Variants in RIPK4 observed in about 807,000 individuals in gnomAD.
The protein encoded by RIPK4 is receptor-interacting serine/threonine-protein kinase 4.
In RIPK4, 17 loss-of-function variants were observed where a neutral mutation model predicts 42.9. That is an observed-to-expected ratio of 0.40 (90% CI 0.27 to 0.59). The LOEUF (loss-of-function observed/expected upper bound fraction) is 0.59, where lower values mean the gene tolerates loss of function less well. Ranked by LOEUF, RIPK4 falls within the 20% of genes least tolerant of loss-of-function variation. The pLI, the probability that RIPK4 is intolerant of heterozygous loss-of-function variation, is 0.47. For synonymous variants in RIPK4, 498 were observed against 499.1 expected (o/e 1.00, Z 0.03); for missense variants, 897 against 1,104.4 (o/e 0.81, Z 2.66).
At position 41,751,687 on chromosome 21, in the gene RIPK4, G is replaced by A. The variant is rs2061188889; in HGVS notation, c.475-442C>T. 6.6e-6 allele frequency among the ~76,000 whole-genome samples: 1 copy of A among 152,242 alleles called. No homozygotes were observed. The highest frequency in any genetic ancestry group is 1.5e-5 in the Non-Finnish European group (1 of 68,036). On this transcript the variant is annotated intron_variant, in intron 2 of 7. Transcript: ENST00000332512. This position sits in a 1 kb window ranked among gnomAD's most constrained non-coding sequence, Gnocchi z 4.5. ...CTAGAGAAGTCGGGGAGCAGGTTAT[G>A]CAACCTGCCAGCTGGGGAGGCTGGC...
rs142879262 is a variant in RIPK4 at position 41,740,870 on chromosome 21, C to T, written c.2323G>A (p.Ala775Thr). The change falls in exon 8 of 8, where the codon GCC becomes ACC. Residue 775 changes from alanine (A) to threonine (T), a missense_variant. Ala to Thr is a moderately conservative substitution (Grantham distance 58). Transcript: ENST00000332512. Reference sequence around the variant, plus strand: ...TTGCTTCGCCGCAGGAGCGTGGCGGCGGGGCCATGGCCGCCCTGGAACTTG... The same window carrying T: ...TTGCTTCGCCGCAGGAGCGTGGCGGTGGGGCCATGGCCGCCCTGGAACTTG... ...SLKFQGGHGP[A>T]ATLLRRSKT 3.3e-4 allele frequency: 538 copies of T among 1,609,832 alleles called. 5 individuals carry two copies. In the South Asian group the frequency reaches 3.6e-3, roughly 11 times the overall value.
Position 41,742,622 on chromosome 21 carries a change from G to T in RIPK4, c.1196-625C>A, listed in dbSNP as rs370215250. 1.3e-4 allele frequency among the ~76,000 whole-genome samples: 20 copies of T among 152,178 alleles called. 1 individual carries two copies. In the East Asian group the frequency reaches 1.5e-3, roughly 12 times the overall value. ...CCACAAAAATCCTACCGTAGTGCCT[G>T]GAATGCTGAAACCCTGCAACGAGAC... On this transcript the variant is annotated intron_variant, in intron 7 of 7. Coordinates refer to ENST00000332512, the MANE Select transcript of RIPK4 (RefSeq NM_020639.3). This position sits in a 1 kb window ranked among gnomAD's most constrained non-coding sequence, Gnocchi z 5.1.
intron 4 of RIPK4, among the ~76,000 whole-genome samples, chr21:41,748,324 T>C (rs776023760): frequency 1.3e-5 from 2 of 152,246 alleles, no homozygotes; most frequent in Non-Finnish European, 2.9e-5. Flanking sequence ...ATCTTCATTT[T>C]TAGACATTTT....
At position 41,740,958 on chromosome 21, in the gene RIPK4, G is replaced by T. The variant is rs1178516356; in HGVS notation, c.2235C>A (p.Gly745=). Residue 745 remains glycine, a synonymous_variant, in exon 8 of 8, where the codon GGC becomes GGA. Transcript: ENST00000332512. The stretch of plus-strand genomic sequence containing the variant: ...GAGTCTCCACCGTCTGTGCGTGCCG[G>T]CCCTGGGCGGCCAGGTGCAGCGCGC... The part of the protein sequence containing the change: ...GLSALHLAAQ[G]RHAQTVETLL... 1 of 1,612,088 alleles carries T rather than the reference G, an allele frequency of 6.2e-7. No individual in the cohort carries two copies. The highest frequency in any genetic ancestry group is 8.5e-7 in the Non-Finnish European group (1 of 1,179,842).
rs371188240 is a variant in RIPK4, at chr21:41,751,271, C to A, written c.475-26G>T. ...CTGCAACACAGCCATCAGAGCGGGG[C>A]TCATTAGCCTGCAACAGTGATATTT... is the stretch of plus-strand genomic sequence containing the variant. On this transcript the variant is annotated intron_variant, in intron 2 of 7. Transcript: ENST00000332512. The surrounding 1 kb of genome is among the most constrained non-coding windows in gnomAD (Gnocchi z 4.5). The A allele has an allele frequency of 1.9e-6, 3 of 1,611,914 alleles. No individual in the cohort carries two copies. The highest frequency in any genetic ancestry group is 2.5e-6 in the Non-Finnish European group (3 of 1,178,700).
At position 41,741,088 on chromosome 21, in the gene RIPK4, A is replaced by C. The variant is rs747057016; in HGVS notation, c.2105T>G (p.Leu702Arg). The stretch of plus-strand genomic sequence containing the variant: ...AGCCAGGTGCAGCGCCGTCTGGTTC[A>C]GGGGTCCCCGGGCCAGCACATCGGC... ...EKADVLARGP[L>R]NQTALHLAAA... The change falls in exon 8 of 8, where the codon CTG (leucine) becomes CGG (arginine). Residue 702 changes from leucine (L) to arginine (R), a missense_variant. Physicochemically the swap from Leu to Arg is moderately radical, Grantham distance 102. Transcript: ENST00000332512. 1.2e-6 allele frequency: 2 copies of C among 1,611,968 alleles called. No homozygotes were observed. The highest frequency in any genetic ancestry group is 3.3e-5 in the Admixed American group (2 of 59,996).
chr21:41,759,164 T>C (rs974291482), intron 1 of RIPK4, among the ~76,000 whole-genome samples: 3 of 152,148 alleles, frequency 2.0e-5, no homozygotes, highest in African/African-American at 7.2e-5. Flanking sequence ...AGTGGCATGA[T>C]CCTAGCTCAC....
Position 41,741,559 on chromosome 21 carries a change from C to G in RIPK4, c.1634G>C (p.Cys545Ser), listed in dbSNP as rs747611007. Residue 545 changes from cysteine to serine, a missense_variant, in exon 8 of 8, where the codon TGC (cysteine) becomes TCC (serine). Physicochemically the swap from Cys to Ser is moderately radical, Grantham distance 112. Coordinates refer to ENST00000332512, the MANE Select transcript of RIPK4 (RefSeq NM_020639.3). Reference sequence around the variant, plus strand: ...CACGATATTCTCCTGCCCGTGCTGGCAGGCCACGTGCATGGGCGTCCGGCC... The same window carrying G: ...CACGATATTCTCCTGCCCGTGCTGGGAGGCCACGTGCATGGGCGTCCGGCC... Reference protein sequence around the residue: ...FEGRTPMHVACQHGQENIVRI... With the variant: ...FEGRTPMHVASQHGQENIVRI... 1 of 1,611,896 alleles carries G rather than the reference C, an allele frequency of 6.2e-7. No individual in the cohort carries two copies. The highest frequency in any genetic ancestry group is 8.5e-7 in the Non-Finnish European group (1 of 1,179,992).
At chr21:41,743,349 T>G (rs1050532252) in intron 7 of RIPK4, among the ~76,000 whole-genome samples, 1 of 152,120 alleles carries the variant, frequency 6.6e-6, no homozygotes, top group Non-Finnish European at 1.5e-5. Context: ...AAAGATGAGA[T>G]TAGCTAAAAG....
intron 1 of RIPK4, among the ~76,000 whole-genome samples, chr21:41,758,853 C>G (rs1436085694): frequency 1.3e-5 from 2 of 152,218 alleles, no homozygotes; most frequent in East Asian, 1.9e-4. Flanking sequence ...CCTGGTGCAG[C>G]CTGTGTTTTC....
In RIPK4 at chr21:41,741,771, C is replaced by T. The variant is rs753627941; in HGVS notation, c.1422G>A (p.Pro474=). ...CCCTCCTCTCCACGGCCATGTGCAA[C>T]GGGGTGGAGCCCCTACGGTTGCTCA... ...PNLSNRRGST[P]LHMAVERRVR... Residue 474 remains proline, a synonymous_variant, in exon 8 of 8, where the codon CCG becomes CCA. Coordinates refer to ENST00000332512, the MANE Select transcript of RIPK4 (RefSeq NM_020639.3). 1.4e-5 allele frequency: 23 copies of T among 1,611,506 alleles called. No homozygotes were observed. Among genetic ancestry groups the T allele is most frequent in the African/African-American group, 2.7e-5 (2 of 74,952 alleles).
chr21:41,758,909 CAA>C (rs1412997232), intron 1 of RIPK4, among the ~76,000 whole-genome samples: 2 of 152,148 alleles, frequency 1.3e-5, no homozygotes, highest in African/African-American at 4.8e-5. Context: ...CATCATGGGT[CAA>C]AAGTCTCAGA....
rs758372635 is a variant in RIPK4, at chr21:41,741,887, C to T, written c.1306G>A (p.Asp436Asn). ...AGGTGCAGCAGGCTGGCACCGCTGT[C>T]CAGTGCCAGGTCCACGTCCTGCGGC... ...LQPQDVDLAL[D>N]SGASLLHLAV... Residue 436 changes from aspartate (D) to asparagine (N), a missense_variant, in exon 8 of 8, where the codon GAC becomes AAC. Physicochemically the swap from Asp to Asn is conservative, Grantham distance 23 (BLOSUM62 1). Transcript: ENST00000332512. The T allele has an allele frequency of 6.2e-7, 1 of 1,613,698 alleles. No homozygotes were observed. Among genetic ancestry groups the T allele is most frequent in the East Asian group, 2.2e-5 (1 of 44,886 alleles).
chr21:41,749,889 TAAAAAAAA>T (rs776305508), intron 3 of RIPK4, among the ~76,000 whole-genome samples: 5 of 99,398 alleles, frequency 5.0e-5, no homozygotes, highest in African/African-American at 1.1e-4. Flanking sequence ...CCAAATTGAT[TAAAAAAAA>T]AAAAAAAAAA....
Position 41,767,026 on chromosome 21 carries a change from C to T in RIPK4, c.16G>A (p.Gly6Arg), listed in dbSNP as rs1428987777. 1 of 1,578,974 alleles carries T rather than the reference C, an allele frequency of 6.3e-7. No individual in the cohort carries two copies. The highest frequency in any genetic ancestry group is 1.4e-5 in the African/African-American group (1 of 71,154). The change falls in exon 1 of 8, where the codon GGG (glycine) becomes AGG (arginine). Residue 6 changes from glycine to arginine, a missense_variant. Coordinates refer to ENST00000332512, the MANE Select transcript of RIPK4 (RefSeq NM_020639.3). This position sits in a 1 kb window ranked among gnomAD's most constrained non-coding sequence, Gnocchi z 4.0. ...AGCAGCGCCAGGGCCCATGGGGTCC[C>T]GCCGTCGCCCTCCATCGCGCACGTC... MEGDG[G>R]TPWALALLRT...
At chr21:41,766,732 G>C (rs1342780050) in intron 1 of RIPK4, 128 bp downstream of exon 1, 1 of 1,006,544 alleles carries the variant, frequency 9.9e-7, no homozygotes, top group Non-Finnish European at 1.4e-6. Context: ...GCCGGCAATT[G>C]GTTTCCCCCC....
intron 1 of RIPK4, among the ~76,000 whole-genome samples, chr21:41,764,253 G>A (rs960123387): frequency 6.6e-6 from 1 of 152,200 alleles, no homozygotes; most frequent in African/African-American, 2.4e-5. Context: ...TGTGGCCAAG[G>A]GCCGGCTGAA....
At chr21:41,745,988 C>T (rs1426448263) in intron 5 of RIPK4, 126 bp from the exon 6 acceptor site, 2 of 817,458 alleles carry the variant, frequency 2.4e-6, no homozygotes, top group Non-Finnish European at 2.2e-6. Flanking sequence ...CCTGAGCTCA[C>T]CAGGCAAGCC....
In RIPK4 at chr21:41,741,380, T is replaced by G. The variant is rs1343520912; in HGVS notation, c.1813A>C (p.Arg605=). The change falls in exon 8 of 8, where the codon AGG becomes CGG. Residue 605 remains arginine, a synonymous_variant. Coordinates refer to ENST00000332512, the MANE Select transcript of RIPK4 (RefSeq NM_020639.3). ...TGTGCGGCCAGGTGCAATGGCGTCCTCCCATCCAGCGTCTGGGCGTTCACA... is the reference window on the plus strand; with the variant it reads ...TGTGCGGCCAGGTGCAATGGCGTCCGCCCATCCAGCGTCTGGGCGTTCACA... ...VSVNAQTLDG[R]TPLHLAAQRG... 3 of 1,612,286 alleles carry G rather than the reference T, an allele frequency of 1.9e-6. No homozygotes were observed. The highest frequency in any genetic ancestry group is 1.7e-6 in the Non-Finnish European group (2 of 1,179,892).
Sources: gnomAD v4.1 joint callset for allele counts (sites outside exome capture counted in the v4.1 genomes callset) on GRCh38, gnomAD v4.1.1 for gene constraint, Gnocchi (gnomAD v3.1) non-coding constraint, MANE v1.5 for transcripts, NCBI Gene and HGNC (gene_info 2026-07-23, HGNC 2026-07-21) for gene names.